Variants in NELL2 observed in about 807,000 individuals in gnomAD.
The protein encoded by NELL2 is neural EGFL like 2.
In NELL2, 41 loss-of-function variants were observed where a neutral mutation model predicts 109.6. The ratio of observed to expected loss-of-function variants is 0.37; its 90% CI spans 0.29 to 0.49. NELL2 has a LOEUF of 0.49. NELL2 is among the 20% of genes least tolerant of loss of function. NELL2 has a pLI of 0.98. For missense variants in NELL2, 900 were observed against 1,008.3 expected (o/e 0.89, Z 1.45); for synonymous variants, 355 against 344.7 (o/e 1.03, Z -0.33).
chr12:44,649,058 G>A lies in NELL2; in HGVS notation c.1444+16426C>T, dbSNP rs151111189. Among the ~76,000 whole-genome samples, 23 of 151,916 alleles carry A rather than the reference G, an allele frequency of 1.5e-4. No individual in the cohort carries two copies. In the East Asian group the frequency reaches 4.3e-3, roughly 28 times the overall value. On this transcript the variant is annotated intron_variant, in intron 13 of 19. Coordinates refer to ENST00000429094, the MANE Select transcript of NELL2 (RefSeq NM_001145108.2). The stretch of plus-strand genomic sequence containing the variant: ...TGGGATTACAGGCTTGAGCCACTGT[G>A]CCCGGCCACAATGCCATCTTACATT...
intron 13 of NELL2, among the ~76,000 whole-genome samples, chr12:44,613,171 C>A (rs2136256418): frequency 6.6e-6 from 1 of 152,136 alleles, no homozygotes; most frequent in Admixed American, 6.5e-5. Context: ...CTTAGTCTCC[C>A]CCTCCTACAG....
chr12:44,752,907 A>C (rs117368830), intron 9 of NELL2, among the ~76,000 whole-genome samples: 110 of 152,142 alleles, frequency 7.2e-4, no homozygotes, highest in Admixed American at 2.9e-3. Context: ...CTCCTAAACC[A>C]TTGCAAACAG....
At chr12:44,886,275 C>T (rs1945473014) in intron 1 of NELL2, among the ~76,000 whole-genome samples, 1 of 151,636 alleles carries the variant, frequency 6.6e-6, no homozygotes. Flanking sequence ...TTGGGTTAGG[C>T]AAAGATTTCT....
intron 1 of NELL2, among the ~76,000 whole-genome samples, chr12:44,884,213 C>CA (rs996086484): frequency 6.6e-6 from 1 of 151,576 alleles, no homozygotes; most frequent in African/African-American, 2.4e-5. Context: ...CTTTAGAGTA[C>CA]AAAAAATTAT....
intron 1 of NELL2, among the ~76,000 whole-genome samples, chr12:44,919,994 A>G (rs1490230352): frequency 6.6e-6 from 1 of 152,244 alleles, no homozygotes; most frequent in Non-Finnish European, 1.5e-5. Context: ...ATGGTAGCAC[A>G]CACACAAAAA....
Position 44,522,085 on chromosome 12 carries a change from C to G in NELL2, c.2090G>C (p.Ser697Thr), listed in dbSNP as rs1315383054. The G allele has an allele frequency of 1.2e-6, 2 of 1,614,114 alleles. No individual in the cohort carries two copies. The highest frequency in any genetic ancestry group is 4.5e-5 in the East Asian group (2 of 44,870). ...CCCATTTTGATGGAGGCACTGACTACTAAGCCTTGGGTCACATTCAGGGCA... is the reference window on the plus strand; with the variant it reads ...CCCATTTTGATGGAGGCACTGACTAGTAAGCCTTGGGTCACATTCAGGGCA... ...FCCPECDPRL[S>T]SQCLHQNGET... is the part of the protein sequence containing the mutation. Residue 697 changes from serine to threonine, a missense_variant, in exon 18 of 20, where the codon AGT becomes ACT. By Grantham distance (58) the Ser-to-Thr change is moderately conservative (BLOSUM62 1). Coordinates refer to ENST00000429094, the MANE Select transcript of NELL2 (RefSeq NM_001145108.2).
intron 12 of NELL2, among the ~76,000 whole-genome samples, chr12:44,676,357 C>T (rs186239450): frequency 2.6e-5 from 4 of 152,188 alleles, no homozygotes; most frequent in South Asian, 2.1e-4. Flanking sequence ...AAGTAGGCTG[C>T]TCAGTGAAAT....
intron 15 of NELL2, among the ~76,000 whole-genome samples, chr12:44,571,156 C>T (rs1943858434): frequency 6.6e-6 from 1 of 152,172 alleles, no homozygotes; most frequent in Non-Finnish European, 1.5e-5. Context: ...GGAAAATCTA[C>T]CATGGAGGTC....
At chr12:44,896,790 C>A (rs576222287) in intron 1 of NELL2, among the ~76,000 whole-genome samples, 1 of 152,038 alleles carries the variant, frequency 6.6e-6, no homozygotes, top group Non-Finnish European at 1.5e-5. Context: ...GGATGACACA[C>A]CAGAAGCAAA....
At chr12:44,809,655 T>C (rs1207300515) in intron 3 of NELL2, among the ~76,000 whole-genome samples, 2 of 152,092 alleles carry the variant, frequency 1.3e-5, no homozygotes, top group African/African-American at 2.4e-5. Flanking sequence ...TGAAGCTTTG[T>C]TCATGGCACA....
intron 3 of NELL2, among the ~76,000 whole-genome samples, chr12:44,804,334 A>G (rs926393386): frequency 6.6e-6 from 1 of 151,952 alleles, no homozygotes; most frequent in Non-Finnish European, 1.5e-5. Flanking sequence ...GTTATGAAAC[A>G]TATCAATACA....
chr12:44,612,549 G>C (rs527959552), intron 13 of NELL2, among the ~76,000 whole-genome samples: 9 of 151,826 alleles, frequency 5.9e-5, no homozygotes, highest in Admixed American at 4.6e-4. Flanking sequence ...GCTTAGAAAA[G>C]AGCTGGATTA....
intron 3 of NELL2, among the ~76,000 whole-genome samples, chr12:44,803,194 G>A (rs1236894617): frequency 2.0e-5 from 3 of 151,186 alleles, no homozygotes; most frequent in Non-Finnish European, 3.0e-5. Context: ...AGACCATAGA[G>A]GATATCAGAG....
At chr12:44,862,012 T>C (rs1400794101) in intron 2 of NELL2, among the ~76,000 whole-genome samples, 3 of 152,160 alleles carry the variant, frequency 2.0e-5, no homozygotes, top group African/African-American at 7.2e-5. Context: ...AATCTCCCAA[T>C]AGCTGACCCC....
chr12:44,835,667 C>T (rs1020414282), intron 2 of NELL2, among the ~76,000 whole-genome samples: 3 of 152,170 alleles, frequency 2.0e-5, no homozygotes, highest in African/African-American at 7.2e-5. Context: ...ATGGTTAGGT[C>T]CTCTGAAGAT....
intron 1 of NELL2, among the ~76,000 whole-genome samples, chr12:44,904,698 C>A (rs981536483): frequency 1.3e-5 from 2 of 152,116 alleles, no homozygotes; most frequent in African/African-American, 4.8e-5. Context: ...CTAATATGGG[C>A]TCCTAAAATT....
chr12:44,669,031 C>T (rs1471235772), intron 12 of NELL2, among the ~76,000 whole-genome samples: 2 of 152,054 alleles, frequency 1.3e-5, no homozygotes, highest in African/African-American at 4.8e-5. Flanking sequence ...CCACTGGTGC[C>T]CAGGGACCAG....
chr12:44,764,144 A>C (rs1207678032), intron 9 of NELL2, among the ~76,000 whole-genome samples: 3 of 152,230 alleles, frequency 2.0e-5, no homozygotes, highest in Admixed American at 1.3e-4. Flanking sequence ...AGAATTCGAC[A>C]TTATCACTGA....
intron 15 of NELL2, among the ~76,000 whole-genome samples, chr12:44,572,297 A>G (rs1338880774): frequency 6.6e-6 from 1 of 152,032 alleles, no homozygotes; most frequent in African/African-American, 2.4e-5. Flanking sequence ...GTGCACTACC[A>G]TGCCCAGTTA....
Sources: allele counts gnomAD v4.1 joint callset (sites outside exome capture counted in the v4.1 genomes callset), GRCh38; gene constraint gnomAD v4.1.1; transcripts MANE v1.5; gene names NCBI Gene and HGNC (gene_info 2026-07-23, HGNC 2026-07-21).